CDH13: variants seen among roughly 807,000 people sequenced by gnomAD.
The protein encoded by CDH13 is cadherin-13.
Under a neutral mutation model 63.8 loss-of-function variants are expected in CDH13, and 24 were observed. That is an observed-to-expected ratio of 0.38 (90% CI 0.27 to 0.53). The LOEUF is 0.53. Among genes scored for constraint, CDH13 ranks in the 20% least tolerant of loss-of-function variants. CDH13 has a pLI of 0.85. For missense variants in CDH13, 1,049 were observed against 903.1 expected, an observed-to-expected ratio of 1.16 and a Z score of -2.07; for synonymous variants, 503 against 355.3, an observed-to-expected ratio of 1.42 and a Z score of -4.67.
intron 7 of CDH13, among the ~76,000 whole-genome samples, chr16:83,546,579 G>A (rs1001602423): frequency 3.3e-5 from 5 of 152,000 alleles, no homozygotes; most frequent in African/African-American, 9.7e-5. Context: ...CGCCATGATC[G>A]ATGAGGTCTG....
chr16:83,130,790 G>A (rs8061680), intron 4 of CDH13, among the ~76,000 whole-genome samples: 7,836 of 152,238 alleles, frequency 0.051, 702 homozygotes, highest in African/African-American at 0.18. Flanking sequence ...GACAAAGTAC[G>A]TAACTGGTTC....
At chr16:82,693,140 C>T (rs1374871183) in intron 1 of CDH13, among the ~76,000 whole-genome samples, 1 of 152,138 alleles carries the variant, frequency 6.6e-6, no homozygotes, top group African/African-American at 2.4e-5. Flanking sequence ...ATGAATCTGC[C>T]AGTTATCATG....
intron 4 of CDH13, among the ~76,000 whole-genome samples, chr16:83,161,116 G>C (rs1317260327): frequency 6.6e-6 from 1 of 152,118 alleles, no homozygotes; most frequent in Non-Finnish European, 1.5e-5. Context: ...TGAAAGCTTT[G>C]AATTTTTGAT....
At chr16:83,523,940 A>G (rs1381223714) in intron 7 of CDH13, among the ~76,000 whole-genome samples, 1 of 152,244 alleles carries the variant, frequency 6.6e-6, no homozygotes, top group Non-Finnish European at 1.5e-5. Context: ...GCACCAGCCC[A>G]GATGGAGAGC....
intron 6 of CDH13, among the ~76,000 whole-genome samples, chr16:83,449,653 C>T (rs1473271758): frequency 2.0e-5 from 3 of 152,086 alleles, no homozygotes; most frequent in Non-Finnish European, 4.4e-5. Flanking sequence ...CTCATAACAC[C>T]ATGGGATGAA....
intron 8 of CDH13, among the ~76,000 whole-genome samples, chr16:83,654,395 A>G (rs1031526714): frequency 6.6e-6 from 1 of 152,066 alleles, no homozygotes; most frequent in African/African-American, 2.4e-5. Flanking sequence ...TAACAGAGAA[A>G]GACCCTGAAG....
intron 6 of CDH13, among the ~76,000 whole-genome samples, chr16:83,410,860 C>T (rs926995320): frequency 6.6e-6 from 1 of 152,150 alleles, no homozygotes; most frequent in Non-Finnish European, 1.5e-5. Context: ...TTTAGTCATC[C>T]AAATCACCAC....
chr16:83,357,327 G>C (rs527289363), intron 6 of CDH13, among the ~76,000 whole-genome samples: 1 of 152,142 alleles, frequency 6.6e-6, no homozygotes, highest in Non-Finnish European at 1.5e-5. Context: ...TAACATGTGT[G>C]TACATATACG....
intron 4 of CDH13, among the ~76,000 whole-genome samples, chr16:83,135,600 A>G (rs947685086): frequency 5.3e-5 from 8 of 152,320 alleles, no homozygotes; most frequent in African/African-American, 1.2e-4. Context: ...TTAAGCCACT[A>G]TGGAAAACAG....
At chr16:82,722,363 C>T (rs910124947) in intron 1 of CDH13, among the ~76,000 whole-genome samples, 6 of 152,060 alleles carry the variant, frequency 3.9e-5, no homozygotes, top group South Asian at 2.1e-4. Context: ...CATGTGATAC[C>T]GGCTATTGGC....
In CDH13 at chr16:83,797,882, G is replaced by T. The variant is rs897350131; in HGVS notation, c.*2852G>T. ...TACATACGATAAATTAATTATTTTG[G>T]ATAATTTGTTTTAATAAGAATATGC... On this transcript the variant is annotated 3_prime_UTR_variant, in exon 14 of 14. Transcript: ENST00000567109. The T allele has an allele frequency of 6.6e-6, 1 of 152,066 alleles. No homozygotes were observed. Among genetic ancestry groups the T allele is most frequent in the Non-Finnish European group, 1.5e-5 (1 of 68,010 alleles). 9.4% of individuals were successfully genotyped at this position (152,066 alleles called of 1,614,324 possible).
intron 2 of CDH13, among the ~76,000 whole-genome samples, chr16:83,013,091 C>G (rs1030741057): frequency 6.6e-6 from 1 of 152,174 alleles, no homozygotes; most frequent in East Asian, 1.9e-4. Context: ...AAAATATGAC[C>G]TTGGCCTACA....
At chr16:82,739,165 T>A (rs538484372) in intron 1 of CDH13, among the ~76,000 whole-genome samples, 1 of 152,222 alleles carries the variant, frequency 6.6e-6, no homozygotes, top group Non-Finnish European at 1.5e-5. Flanking sequence ...ACAATAAAGA[T>A]AACTTGTTAA....
In CDH13 at chr16:83,783,415, G is replaced by C; in HGVS notation, c.2077G>C (p.Gly693Arg). 1.2e-6 allele frequency: 2 copies of C among 1,613,916 alleles called. No homozygotes were observed. The highest frequency in any genetic ancestry group is 1.7e-6 in the Non-Finnish European group (2 of 1,179,824). Reference sequence around the variant, plus strand: ...TTCCAAAGTGGACTGCAACGCGGCAGGGGCCCTGCGCTTCAGCCTGCCCTC... The same window carrying C: ...TTCCAAAGTGGACTGCAACGCGGCACGGGCCCTGCGCTTCAGCCTGCCCTC... ...RNSKVDCNAAGALRFSLPSVL... is the reference protein window; with the variant it reads ...RNSKVDCNAARALRFSLPSVL... Residue 693 changes from glycine to arginine, a missense_variant, in exon 13 of 14, where the codon GGG becomes CGG. Gly to Arg is a moderately radical substitution (Grantham distance 125). Transcript: ENST00000567109.
At chr16:83,453,737 A>G (rs1277338694) in intron 6 of CDH13, among the ~76,000 whole-genome samples, 1 of 151,636 alleles carries the variant, frequency 6.6e-6, no homozygotes, top group Non-Finnish European at 1.5e-5. Context: ...TTAAAAAGGA[A>G]ACTCTTTATC....
chr16:83,745,104 A>G (rs796350082), intron 10 of CDH13, among the ~76,000 whole-genome samples: 11 of 152,326 alleles, frequency 7.2e-5, no homozygotes, highest in Non-Finnish European at 1.2e-4. Flanking sequence ...GAAGGCATAG[A>G]TGCTGGAAGC....
intron 8 of CDH13, 87 bp downstream of exon 8, chr16:83,602,681 T>C (rs993993104): frequency 7.4e-7 from 1 of 1,354,570 alleles, no homozygotes; most frequent in African/African-American, 1.4e-5. Flanking sequence ...CAGCACCTGC[T>C]GGCCCCCCTT....
intron 5 of CDH13, among the ~76,000 whole-genome samples, chr16:83,235,725 T>G (rs1353086506): frequency 1.3e-5 from 2 of 152,170 alleles, no homozygotes; most frequent in Non-Finnish European, 2.9e-5. Flanking sequence ...GAAAATTATG[T>G]AGATATTATT....
intron 7 of CDH13, among the ~76,000 whole-genome samples, chr16:83,550,635 T>C (rs572890464): frequency 7.9e-5 from 12 of 152,328 alleles, no homozygotes; most frequent in African/African-American, 2.9e-4. Flanking sequence ...TCAATGCCTC[T>C]GATGAATGTC....
Sources: allele counts gnomAD v4.1 joint callset (sites outside exome capture counted in the v4.1 genomes callset), GRCh38; gene constraint gnomAD v4.1.1; transcripts MANE v1.5; gene names NCBI Gene and HGNC (gene_info 2026-07-23, HGNC 2026-07-21).